ATRNL1: variants seen among roughly 807,000 people sequenced by gnomAD.
The protein encoded by ATRNL1 is attractin-like protein 1.
In ATRNL1, 95 loss-of-function variants were observed where a neutral mutation model predicts 182.7. The observed-to-expected ratio is 0.52, with a 90% confidence interval of 0.44 to 0.62. ATRNL1 has a LOEUF of 0.62. ATRNL1 is among the 20% of genes least tolerant of loss of function. The pLI is 0.00. For synonymous variants in ATRNL1, 576 were observed against 568.3 expected, an observed-to-expected ratio of 1.01 and a Z score of -0.19; for missense variants, 1,471 against 1,679.5, an observed-to-expected ratio of 0.88 and a Z score of 2.17.
At chr10:115,441,384 C>G (rs1468646942) in intron 21 of ATRNL1, among the ~76,000 whole-genome samples, 1 of 151,904 alleles carries the variant, frequency 6.6e-6, no homozygotes, top group Non-Finnish European at 1.5e-5. Context: ...CTCTTCAATC[C>G]CCACAACTCC....
chr10:115,778,384 C>T (rs1263527853), intron 27 of ATRNL1, among the ~76,000 whole-genome samples: 3 of 151,972 alleles, frequency 2.0e-5, no homozygotes, highest in Non-Finnish European at 4.4e-5. Context: ...TTAAAAAGAC[C>T]AGATAAAATG....
intron 18 of ATRNL1, among the ~76,000 whole-genome samples, chr10:115,323,064 T>C (rs1854665771): frequency 6.6e-6 from 1 of 152,112 alleles, no homozygotes; most frequent in Non-Finnish European, 1.5e-5. Flanking sequence ...TTTCAAATAA[T>C]TTTTATTTTC....
At chr10:115,353,026 G>T (rs1189169104) in intron 19 of ATRNL1, among the ~76,000 whole-genome samples, 1 of 152,204 alleles carries the variant, frequency 6.6e-6, no homozygotes, top group African/African-American at 2.4e-5. Context: ...CTAATGAGAA[G>T]AATGTATATT....
chr10:115,183,078 T>C (rs11197105), intron 8 of ATRNL1, among the ~76,000 whole-genome samples: 2,003 of 151,484 alleles, frequency 0.013, 41 homozygotes, highest in African/African-American at 0.046. Context: ...TTCCCAAGAA[T>C]GGAAGCATTG....
chr10:115,115,008 A>T (rs1844419058), intron 1 of ATRNL1, among the ~76,000 whole-genome samples: 2 of 152,150 alleles, frequency 1.3e-5, no homozygotes, highest in African/African-American at 4.8e-5. Context: ...TCAATGGATT[A>T]AAAAAAGAGG....
At chr10:115,521,327 A>G (rs1345374981) in intron 25 of ATRNL1, among the ~76,000 whole-genome samples, 1 of 151,958 alleles carries the variant, frequency 6.6e-6, no homozygotes, top group Non-Finnish European at 1.5e-5. Context: ...TAATTTTTGT[A>G]TTTTTAGTAG....
chr10:115,334,491 G>A, intron 19 of ATRNL1, 72 bp downstream of exon 19: 2 of 1,233,304 alleles, frequency 1.6e-6, no homozygotes, highest in Non-Finnish European at 2.2e-6. Flanking sequence ...AGCGCCTGTT[G>A]TGGAGAATAT....
intron 24 of ATRNL1, among the ~76,000 whole-genome samples, chr10:115,485,607 A>G (rs1333049714): frequency 1.3e-5 from 2 of 152,014 alleles, no homozygotes; most frequent in African/African-American, 4.8e-5. Flanking sequence ...CTAATTTTGT[A>G]TCCTTTAACC....
chr10:115,096,308 A>G (rs1348797492), intron 1 of ATRNL1, among the ~76,000 whole-genome samples: 2 of 152,178 alleles, frequency 1.3e-5, no homozygotes, highest in Admixed American at 1.3e-4. Context: ...TTTATTATGT[A>G]TACTCTTGGG....
At chr10:115,724,207 A>G (rs2134052466) in intron 26 of ATRNL1, among the ~76,000 whole-genome samples, 1 of 152,276 alleles carries the variant, frequency 6.6e-6, no homozygotes, top group East Asian at 1.9e-4. Flanking sequence ...AGTTTTTCCT[A>G]ATTTTCAGGA....
At chr10:115,415,279 A>G (rs1487955444) in intron 20 of ATRNL1, among the ~76,000 whole-genome samples, 3 of 152,010 alleles carry the variant, frequency 2.0e-5, no homozygotes, top group Non-Finnish European at 4.4e-5. Flanking sequence ...TTCCATTATT[A>G]TAAGTGAAGT....
At chr10:115,295,305 G>A (rs1408711096) in intron 15 of ATRNL1, among the ~76,000 whole-genome samples, 2 of 152,036 alleles carry the variant, frequency 1.3e-5, no homozygotes, top group Non-Finnish European at 2.9e-5. Flanking sequence ...TGGCTTGGGG[G>A]AATATCTGCT....
chr10:115,441,738 A>G (rs1251504293), intron 21 of ATRNL1, among the ~76,000 whole-genome samples: 1 of 151,992 alleles, frequency 6.6e-6, no homozygotes, highest in Admixed American at 6.6e-5. Context: ...ATAAAACTTC[A>G]TTCTTTACTC....
At chr10:115,566,872 T>A (rs1218758539) in intron 26 of ATRNL1, among the ~76,000 whole-genome samples, 1 of 146,318 alleles carries the variant, frequency 6.8e-6, no homozygotes, top group Non-Finnish European at 1.5e-5. Context: ...GCCCAGGGGC[T>A]TTCACATGCA....
chr10:115,917,187 C>T (rs1952885571), intron 28 of ATRNL1, among the ~76,000 whole-genome samples: 1 of 152,102 alleles, frequency 6.6e-6, no homozygotes, highest in African/African-American at 2.4e-5. Flanking sequence ...TAAAACGGGG[C>T]CGGCTGGGAG....
chr10:115,901,388 C>T (rs1214128915), intron 28 of ATRNL1, among the ~76,000 whole-genome samples: 2 of 152,076 alleles, frequency 1.3e-5, no homozygotes, highest in African/African-American at 2.4e-5. Flanking sequence ...AAAGATAGTA[C>T]ATATTTGAGT....
intron 8 of ATRNL1, among the ~76,000 whole-genome samples, chr10:115,190,831 A>G (rs113567194): frequency 2.3e-4 from 35 of 152,170 alleles, no homozygotes; most frequent in African/African-American, 8.2e-4. Flanking sequence ...TTCTATCTGT[A>G]TTTTTGTACC....
At chr10:115,097,531 C>A (rs1364001585) in intron 1 of ATRNL1, among the ~76,000 whole-genome samples, 2 of 151,904 alleles carry the variant, frequency 1.3e-5, no homozygotes, top group African/African-American at 4.8e-5. Context: ...GTAGTGACAG[C>A]AAAATGAAGA....
chr10:115,654,492 T>G (rs1860213221), intron 26 of ATRNL1, among the ~76,000 whole-genome samples: 1 of 152,174 alleles, frequency 6.6e-6, no homozygotes, highest in Non-Finnish European at 1.5e-5. Flanking sequence ...GTGCAGGGAT[T>G]ACAGGCATGA....
Sources: gnomAD v4.1 joint callset for allele counts (sites outside exome capture counted in the v4.1 genomes callset) on GRCh38, gnomAD v4.1.1 for gene constraint, MANE v1.5 for transcripts, NCBI Gene and HGNC (gene_info 2026-07-23, HGNC 2026-07-21) for gene names.